Variants in RPS6KA2 observed in about 807,000 individuals in gnomAD.
RPS6KA2 encodes the protein ribosomal protein S6 kinase A2.
RPS6KA2 carries 42 observed loss-of-function variants against 91.8 expected under a neutral mutation model. The observed-to-expected ratio is 0.46, with a 90% CI of 0.36 to 0.59. RPS6KA2 has a LOEUF of 0.59. RPS6KA2 is among the 20% of genes least tolerant of loss of function. The pLI is 0.00. For synonymous variants in RPS6KA2, 414 were observed against 393.6 expected (o/e 1.05, Z -0.61); for missense variants, 798 against 978.5 (o/e 0.82, Z 2.46).
intron 1 of RPS6KA2, among the ~76,000 whole-genome samples, chr6:166,597,231 T>C (rs1032489671): frequency 3.3e-5 from 5 of 152,160 alleles, no homozygotes; most frequent in African/African-American, 1.2e-4. Flanking sequence ...ATGGAGTCTC[T>C]AGAGGGCAGA....
intron 2 of RPS6KA2, among the ~76,000 whole-genome samples, chr6:166,848,856 C>T (rs1475356981): frequency 1.3e-5 from 2 of 152,002 alleles, no homozygotes; most frequent in Admixed American, 6.6e-5. Flanking sequence ...CACTAAAGAA[C>T]TTATTCATGC....
intron 1 of RPS6KA2, among the ~76,000 whole-genome samples, chr6:166,611,614 T>G (rs529428337): frequency 6.6e-6 from 1 of 152,200 alleles, no homozygotes; most frequent in Non-Finnish European, 1.5e-5. Flanking sequence ...ATGAAAGAAA[T>G]TGCTTGGCTC....
intron 12 of RPS6KA2, among the ~76,000 whole-genome samples, chr6:166,455,653 C>A (rs1052309064): frequency 6.6e-6 from 1 of 152,204 alleles, no homozygotes; most frequent in African/African-American, 2.4e-5. Context: ...TTCTGCAGCG[C>A]GACCCGGCAG....
Position 166,435,291 on chromosome 6 carries a change from G to A in RPS6KA2, c.1333-2801C>T, listed in dbSNP as rs925426517. Among the ~76,000 whole-genome samples, 5 of 152,180 alleles carry A rather than the reference G, an allele frequency of 3.3e-5. No homozygotes were observed. The highest frequency in any genetic ancestry group is 1.2e-4 in the African/African-American group (5 of 41,510). Reference sequence around the variant, plus strand: ...CAAAGACAGATTACCTTAAACTCTTGCTTACTTTAAAAACTATCTTAAATT... The same window carrying A: ...CAAAGACAGATTACCTTAAACTCTTACTTACTTTAAAAACTATCTTAAATT... On this transcript the variant is annotated intron_variant, in intron 14 of 20. Transcript: ENST00000265678. This position sits in a 1 kb window ranked among gnomAD's most constrained non-coding sequence, Gnocchi z 4.3.
At chr6:166,730,326 TTATGAG>T (rs1414169650) in intron 2 of RPS6KA2, among the ~76,000 whole-genome samples, 20 of 152,220 alleles carry the variant, frequency 1.3e-4, no homozygotes, top group Non-Finnish European at 2.4e-4. Context: ...TTATGGACAT[TTATGAG>T]TATGTTATTG....
chr6:166,522,356 G>A (rs954223381), intron 3 of RPS6KA2, among the ~76,000 whole-genome samples: 11 of 152,236 alleles, frequency 7.2e-5, no homozygotes, highest in Admixed American at 1.3e-4. Context: ...CGCACTGACC[G>A]TGCAGTGCCA....
intron 3 of RPS6KA2, among the ~76,000 whole-genome samples, chr6:166,527,229 T>G (rs1783085715): frequency 6.6e-6 from 1 of 152,218 alleles, no homozygotes. Flanking sequence ...ATTCCCACTT[T>G]GCCTCCCTTT....
intron 10 of RPS6KA2, among the ~76,000 whole-genome samples, chr6:166,480,477 T>TATATATATATATATATATATATATATA (rs1347612534): frequency 1.6e-4 from 7 of 43,912 alleles, no homozygotes; most frequent in South Asian, 1.8e-3. Context: ...AAGATTGTGA[T>TATATATATATATATATATATATATATA]TTTATATATA....
At position 166,448,811 on chromosome 6, in the gene RPS6KA2, G is replaced by A. The variant is rs112933654; in HGVS notation, c.1245C>T (p.Tyr415=). 109 of 1,613,824 alleles carry A rather than the reference G, an allele frequency of 6.8e-5. No homozygotes were observed. In the African/African-American group the frequency reaches 9.2e-4, roughly 14 times the overall value. Residue 415 remains tyrosine (Y), a synonymous_variant, in exon 14 of 21, where the codon TAC becomes TAT. Transcript: ENST00000265678. The surrounding 1 kb of genome is among the most constrained non-coding windows in gnomAD (Gnocchi z 4.7). ...CCACCCCGATGTCCTCCTTGATCTC[G>A]TAGCCATCGGTGAAGTGGATGTTGT... ...HGNNIHFTDG[Y]EIKEDIGVGS... is the part of the protein sequence containing the mutation.
intron 2 of RPS6KA2, among the ~76,000 whole-genome samples, chr6:166,837,786 G>A (rs149622021): frequency 1.8e-4 from 28 of 152,362 alleles, no homozygotes; most frequent in African/African-American, 6.7e-4. Flanking sequence ...TGACCTGGCT[G>A]GGCTTCATTG....
At chr6:166,736,228 T>C (rs927552474) in intron 2 of RPS6KA2, among the ~76,000 whole-genome samples, 1 of 152,250 alleles carries the variant, frequency 6.6e-6, no homozygotes, top group Non-Finnish European at 1.5e-5. Flanking sequence ...GTTGAAGTTA[T>C]TTGTCTCAAA....
chr6:166,824,797 C>CTGTA (rs1562458566), intron 2 of RPS6KA2, among the ~76,000 whole-genome samples: 1 of 134,704 alleles, frequency 7.4e-6, no homozygotes, highest in Non-Finnish European at 1.6e-5. Flanking sequence ...GTGTGTGTGT[C>CTGTA]TGTGTGTCTA....
chr6:166,805,421 A>G (rs1445059379), intron 2 of RPS6KA2, among the ~76,000 whole-genome samples: 1 of 152,084 alleles, frequency 6.6e-6, no homozygotes, highest in Non-Finnish European at 1.5e-5. Context: ...GAATCGGCAC[A>G]TTTTTTCCAC....
Position 166,466,488 on chromosome 6 carries a change from C to G in RPS6KA2, c.972+3353G>C, listed in dbSNP as rs563891169. 1.7e-3 allele frequency among the ~76,000 whole-genome samples: 253 copies of G among 152,308 alleles called. 1 individual carries two copies. Among genetic ancestry groups the G allele is most frequent in the African/African-American group, 6.0e-3 (248 of 41,572 alleles). ...TGTTGCACTGTGTCACCTGGGGGTT[C>G]GGTGTGAAGAGACTTCTCTTTCCTA... On this transcript the variant is annotated intron_variant, in intron 11 of 20. Transcript: ENST00000265678.
intron 2 of RPS6KA2, among the ~76,000 whole-genome samples, chr6:166,652,711 A>G (rs2128554671): frequency 6.6e-6 from 1 of 152,268 alleles, no homozygotes; most frequent in South Asian, 2.1e-4. Context: ...TTGAGTCCTT[A>G]GTAATTTCAG....
At chr6:166,826,690 A>G (rs1780056604) in intron 2 of RPS6KA2, among the ~76,000 whole-genome samples, 1 of 152,232 alleles carries the variant, frequency 6.6e-6, no homozygotes, top group Non-Finnish European at 1.5e-5. Flanking sequence ...AACTGTCTTC[A>G]TTGACCTCGA....
chr6:166,720,245 A>G (rs143092250), intron 2 of RPS6KA2, among the ~76,000 whole-genome samples: 1 of 152,346 alleles, frequency 6.6e-6, no homozygotes, highest in Non-Finnish European at 1.5e-5. Context: ...ACTACCATTT[A>G]GTGAGCTCCT....
chr6:166,469,944 A>T, intron 10 of RPS6KA2, 39 bp from the exon 11 acceptor site: 4 of 1,562,250 alleles, frequency 2.6e-6, no homozygotes, highest in Non-Finnish European at 3.5e-6. Flanking sequence ...AACAAATCCA[A>T]GATGGGGTTC....
intron 2 of RPS6KA2, among the ~76,000 whole-genome samples, chr6:166,643,441 A>T (rs566479649): frequency 9.8e-5 from 15 of 152,360 alleles, no homozygotes; most frequent in African/African-American, 3.4e-4. Context: ...CATACATAGG[A>T]TGCAACAAGC....
Sources: allele counts gnomAD v4.1 joint callset (sites outside exome capture counted in the v4.1 genomes callset), GRCh38; gene constraint gnomAD v4.1.1; non-coding constraint Gnocchi (gnomAD v3.1); transcripts MANE v1.5; gene names NCBI Gene and HGNC (gene_info 2026-07-23, HGNC 2026-07-21).